Variants in DZANK1 observed in about 807,000 individuals in gnomAD.
The protein encoded by DZANK1 is double zinc ribbon and ankyrin repeat domains 1, also known as double zinc ribbon and ankyrin repeat-containing protein 1.
Under a neutral mutation model 94.5 loss-of-function variants are expected in DZANK1, and 91 were observed. That is an observed-to-expected ratio of 0.96 (90% CI 0.81 to 1.15). The LOEUF (loss-of-function observed/expected upper bound fraction) is 1.15, where lower values mean the gene tolerates loss of function less well. Among genes scored for constraint, DZANK1 ranks in the 50% most tolerant of loss-of-function variants. The pLI is 0.00. For missense variants in DZANK1, 903 were observed against 916.4 expected (o/e 0.99, Z 0.19); for synonymous variants, 312 against 325.3 (o/e 0.96, Z 0.44).
intron 13 of DZANK1, 37 bp downstream of exon 13, chr20:18,412,609 C>T (rs911033265): frequency 3.2e-6 from 5 of 1,587,258 alleles, no homozygotes; most frequent in East Asian, 4.5e-5. Flanking sequence ...AGAGTGAATT[C>T]CCTCCCGACC....
intron 10 of DZANK1, among the ~76,000 whole-genome samples, chr20:18,425,240 C>T (rs142336278): frequency 6.6e-6 from 1 of 152,192 alleles, no homozygotes; most frequent in Non-Finnish European, 1.5e-5. Flanking sequence ...TTAGACTGTC[C>T]GTGATTAGAC....
intron 7 of DZANK1, among the ~76,000 whole-genome samples, chr20:18,446,209 C>T (rs1042393360): frequency 9.2e-5 from 14 of 151,884 alleles, no homozygotes; most frequent in East Asian, 1.9e-4. Flanking sequence ...TGGGCCTCTG[C>T]GCTTCGGCCT....
intron 2 of DZANK1, 38 bp from the exon 3 acceptor site, chr20:18,460,344 A>G (rs2059433253): frequency 6.9e-7 from 1 of 1,442,064 alleles, no homozygotes; most frequent in East Asian, 2.5e-5. Context: ...AATTAACACC[A>G]AAGTAGCAAG....
At chr20:18,395,489 G>C (rs1451774267) in intron 15 of DZANK1, among the ~76,000 whole-genome samples, 1 of 152,128 alleles carries the variant, frequency 6.6e-6, no homozygotes, top group Non-Finnish European at 1.5e-5. Context: ...CCACTAGCTG[G>C]CCAGGTTACT....
At chr20:18,422,814 T>TTTTTTC (rs1555871246) in intron 10 of DZANK1, among the ~76,000 whole-genome samples, 3 of 150,906 alleles carry the variant, frequency 2.0e-5, no homozygotes, top group Non-Finnish European at 4.4e-5. Flanking sequence ...TTTTTTTTTT[T>TTTTTTC]CTCAAAATTG....
intron 14 of DZANK1, among the ~76,000 whole-genome samples, chr20:18,397,890 A>C (rs2056439179): frequency 6.6e-6 from 1 of 152,154 alleles, no homozygotes; most frequent in African/African-American, 2.4e-5. Flanking sequence ...GAGTGTGCCA[A>C]GCAAGAGAAA....
At chr20:18,405,106 G>T (rs1336737208) in intron 13 of DZANK1, among the ~76,000 whole-genome samples, 1 of 149,854 alleles carries the variant, frequency 6.7e-6, no homozygotes, top group Non-Finnish European at 1.5e-5. Context: ...TGAGGCAGGA[G>T]CATTGCTCAA....
intron 7 of DZANK1, among the ~76,000 whole-genome samples, chr20:18,444,625 T>G (rs1238743877): frequency 6.6e-6 from 1 of 152,186 alleles, no homozygotes; most frequent in Non-Finnish European, 1.5e-5. Flanking sequence ...GCAAAGCTCA[T>G]GCTTACACCA....
At chr20:18,452,026 C>T (rs1288481613) in intron 6 of DZANK1, 1 of 479,146 alleles carries the variant, frequency 2.1e-6, no homozygotes, top group Non-Finnish European at 4.1e-6. Flanking sequence ...AGACTAGTAT[C>T]TGTGACTCTC....
intron 2 of DZANK1, among the ~76,000 whole-genome samples, chr20:18,464,564 T>A (rs1407843543): frequency 1.3e-5 from 2 of 152,070 alleles, no homozygotes; most frequent in Non-Finnish European, 2.9e-5. Flanking sequence ...AAGGCAGGGA[T>A]TAAGTCTCCA....
intron 15 of DZANK1, chr20:18,394,744 G>A: frequency 2.2e-6 from 1 of 463,270 alleles, no homozygotes; most frequent in Non-Finnish European, 4.3e-6. Context: ...GAATTAGGGT[G>A]TCATGATGGG....
intron 10 of DZANK1, among the ~76,000 whole-genome samples, chr20:18,418,779 T>G (rs1290101155): frequency 6.6e-6 from 1 of 151,718 alleles, no homozygotes; most frequent in African/African-American, 2.4e-5. Flanking sequence ...AAAGAGGAAA[T>G]CTCAGCAAAG....
exon 21 of DZANK1, chr20:18,384,306 GCCTCAGCCTC>G (rs1442711471): frequency 2.2e-6 from 3 of 1,343,526 alleles, no homozygotes; most frequent in Non-Finnish European, 3.0e-6. Context: ...TGATACGCCA[GCCTCAGCCTC>G]CCAAAGTGCT....
At chr20:18,436,514 C>G (rs1355560335) in intron 8 of DZANK1, among the ~76,000 whole-genome samples, 1 of 150,812 alleles carries the variant, frequency 6.6e-6, no homozygotes, top group East Asian at 1.9e-4. Flanking sequence ...AATCAGTGAA[C>G]TTGAACAAAT....
At chr20:18,466,419 G>A (rs577922005) in intron 1 of DZANK1, among the ~76,000 whole-genome samples, 1 of 152,090 alleles carries the variant, frequency 6.6e-6, no homozygotes, top group Admixed American at 6.6e-5. Context: ...TCAAAAATGG[G>A]GTACCTAAAT....
At chr20:18,384,874 G>T in intron 20 of DZANK1, 142 bp downstream of exon 20, 1 of 795,608 alleles carries the variant, frequency 1.3e-6, no homozygotes. Context: ...AGCCCTCAGT[G>T]CCCCGGAAGC....
At chr20:18,384,510 C>T in exon 21 of DZANK1, 1 of 1,611,740 alleles carries the variant, frequency 6.2e-7, no homozygotes, top group Non-Finnish European at 8.5e-7. Flanking sequence ...TGTTCAGAGC[C>T]AGGTCGTATG....
chr20:18,427,319 A>G (rs1265311250), intron 9 of DZANK1, among the ~76,000 whole-genome samples, 160 bp from the exon 10 acceptor site: 1 of 152,044 alleles, frequency 6.6e-6, no homozygotes, highest in Non-Finnish European at 1.5e-5. Context: ...AAATAGTGTC[A>G]GACAAATATC....
At chr20:18,442,258 C>A (rs570763067) in intron 8 of DZANK1, among the ~76,000 whole-genome samples, 5 of 152,092 alleles carry the variant, frequency 3.3e-5, no homozygotes, top group African/African-American at 1.2e-4. Flanking sequence ...AATCCCTTTC[C>A]AGGCAAGTAG....
Sources: allele counts gnomAD v4.1 joint callset (sites outside exome capture counted in the v4.1 genomes callset), GRCh38; gene constraint gnomAD v4.1.1; transcripts MANE v1.5; gene names NCBI Gene and HGNC (gene_info 2026-07-23, HGNC 2026-07-21).